The following TMEM132D variants were observed in gnomAD, a reference collection of about 807,000 sequenced individuals.
The protein encoded by TMEM132D is mature OL transmembrane protein.
A neutral mutation model predicts 62.3 loss-of-function variants in TMEM132D; 21 were observed. The observed-to-expected ratio is 0.34, with a 90% CI of 0.24 to 0.49. The LOEUF (loss-of-function observed/expected upper bound fraction) is 0.49. Ranked by LOEUF, TMEM132D falls within the 20% of genes least tolerant of loss-of-function variation. The pLI is 0.99. For synonymous variants in TMEM132D, 621 were observed against 575.6 expected (o/e 1.08, Z -1.13); for missense variants, 1,346 against 1,402.8 (o/e 0.96, Z 0.65).
intron 5 of TMEM132D, among the ~76,000 whole-genome samples, chr12:129,118,787 AAG>A (rs1487846221): frequency 1.3e-5 from 2 of 152,204 alleles, no homozygotes; most frequent in East Asian, 1.9e-4. Flanking sequence ...CCTTTGCTGT[AAG>A]AGTGTTGGAT....
intron 2 of TMEM132D, among the ~76,000 whole-genome samples, chr12:129,671,648 T>C (rs1330882538): frequency 6.6e-6 from 1 of 151,632 alleles, no homozygotes; most frequent in South Asian, 2.1e-4. Flanking sequence ...GAAGGGTACA[T>C]GATGAGAGGT....
chr12:129,750,858 AT>A (rs1869978933), intron 1 of TMEM132D, among the ~76,000 whole-genome samples: 1 of 152,300 alleles, frequency 6.6e-6, no homozygotes, highest in East Asian at 1.9e-4. Context: ...CAAAAAAAAA[AT>A]AAATGTTTAA....
intron 1 of TMEM132D, among the ~76,000 whole-genome samples, chr12:129,718,250 C>G (rs1033211668): frequency 6.6e-6 from 1 of 152,312 alleles, no homozygotes; most frequent in Admixed American, 6.5e-5. Flanking sequence ...GGCAAAGTGG[C>G]CAGGCTGGGT....
intron 5 of TMEM132D, among the ~76,000 whole-genome samples, chr12:129,204,672 TAGAGCACC>T (rs1319994168): frequency 6.6e-6 from 1 of 152,140 alleles, no homozygotes. Flanking sequence ...TCAGGAAATG[TAGAGCACC>T]CCTGTGAGAT....
chr12:129,623,708 C>CACATATATATACAT (rs1565926905), intron 2 of TMEM132D, among the ~76,000 whole-genome samples: 15 of 142,540 alleles, frequency 1.1e-4, no homozygotes, highest in African/African-American at 4.1e-4. Context: ...TATATACATA[C>CACATATATATACAT]ATATGCATAT....
chr12:129,792,382 A>G (rs1871424464), intron 1 of TMEM132D, among the ~76,000 whole-genome samples: 1 of 152,192 alleles, frequency 6.6e-6, no homozygotes, highest in Non-Finnish European at 1.5e-5. Flanking sequence ...ATGTGTATGT[A>G]CCCGGTTATT....
chr12:129,764,106 C>CA (rs1296221744), intron 1 of TMEM132D, among the ~76,000 whole-genome samples: 3 of 152,212 alleles, frequency 2.0e-5, no homozygotes, highest in Non-Finnish European at 2.9e-5. Context: ...TTGCTTTTCT[C>CA]AAAAGCTTGC....
At chr12:129,166,926 G>A (rs1877579400) in intron 5 of TMEM132D, among the ~76,000 whole-genome samples, 1 of 152,056 alleles carries the variant, frequency 6.6e-6, no homozygotes, top group Admixed American at 6.6e-5. Flanking sequence ...CACTTTGGGA[G>A]GCCGAGGAGG....
chr12:129,729,531 C>T (rs5027413), intron 1 of TMEM132D, among the ~76,000 whole-genome samples: 21,980 of 152,042 alleles, frequency 0.14, 1,732 homozygotes, highest in South Asian at 0.25. Context: ...ACTGGAATAC[C>T]TTTTTTTCTT....
At chr12:129,166,716 TAC>T (rs1328831290) in intron 5 of TMEM132D, among the ~76,000 whole-genome samples, 34 of 87,082 alleles carry the variant, frequency 3.9e-4, no homozygotes, top group Admixed American at 2.1e-3. Context: ...CACACACATA[TAC>T]ACACACACAC....
At chr12:129,256,234 T>C (rs951997954) in intron 4 of TMEM132D, among the ~76,000 whole-genome samples, 5 of 151,938 alleles carry the variant, frequency 3.3e-5, no homozygotes, top group Admixed American at 1.3e-4. Context: ...TCTGCAATCA[T>C]CATGTCCATT....
intron 1 of TMEM132D, among the ~76,000 whole-genome samples, chr12:129,749,243 T>G (rs1869919171): frequency 6.6e-6 from 1 of 152,156 alleles, no homozygotes; most frequent in Non-Finnish European, 1.5e-5. Flanking sequence ...TAGCCTCAGA[T>G]AGAACGTGGC....
At chr12:129,158,236 T>A (rs1003583896) in intron 5 of TMEM132D, among the ~76,000 whole-genome samples, 1 of 152,176 alleles carries the variant, frequency 6.6e-6, no homozygotes, top group South Asian at 2.1e-4. Flanking sequence ...TGAATACACA[T>A]GTACATTAGA....
At chr12:129,247,698 G>C (rs1880157564) in intron 4 of TMEM132D, among the ~76,000 whole-genome samples, 1 of 152,232 alleles carries the variant, frequency 6.6e-6, no homozygotes, top group Admixed American at 6.5e-5. Context: ...GGGTTCTGCT[G>C]TCCTTTCCCT....
chr12:129,508,044 G>T (rs1875390726), intron 3 of TMEM132D, among the ~76,000 whole-genome samples: 1 of 152,000 alleles, frequency 6.6e-6, no homozygotes, highest in Non-Finnish European at 1.5e-5. Context: ...GTGATAAGCT[G>T]ATTTATCCTA....
Position 129,081,832 on chromosome 12 carries a change from T to G in TMEM132D, c.1850A>C (p.Glu617Ala). The change falls in exon 7 of 9, where the codon GAG becomes GCG. Residue 617 changes from glutamate (E) to alanine (A), a missense_variant. By Grantham distance (107) the Glu-to-Ala change is moderately radical. Transcript: ENST00000422113. ...TTGCAGCTTGGCGATCCTGGGCTCC[T>G]CCACCTGCATGAAGTCATTTATCAG... is the stretch of plus-strand genomic sequence containing the variant. Reference protein sequence around the residue: ...TELINDFMQVEEPRIAKLQGG... With the variant: ...TELINDFMQVAEPRIAKLQGG... 6 of 1,613,354 alleles carry G rather than the reference T, an allele frequency of 3.7e-6. No homozygotes were observed. Among genetic ancestry groups the G allele is most frequent in the Non-Finnish European group, 5.1e-6 (6 of 1,179,888 alleles).
chr12:129,623,744 T>TAC (rs1179782613), intron 2 of TMEM132D, among the ~76,000 whole-genome samples: 2 of 123,466 alleles, frequency 1.6e-5, no homozygotes, highest in Non-Finnish European at 3.4e-5. Context: ...TACATATATA[T>TAC]ACACATATAT....
At chr12:129,140,774 G>A (rs908498999) in intron 5 of TMEM132D, among the ~76,000 whole-genome samples, 1 of 151,616 alleles carries the variant, frequency 6.6e-6, no homozygotes, top group East Asian at 1.9e-4. Flanking sequence ...TGGTGGTGGA[G>A]GTTGCTGTGA....
At chr12:129,164,233 C>T (rs1593281888) in intron 5 of TMEM132D, among the ~76,000 whole-genome samples, 4 of 152,338 alleles carry the variant, frequency 2.6e-5, no homozygotes, top group Non-Finnish European at 4.4e-5. Context: ...CAACTCATGT[C>T]AAAAGTGGAA....
Sources: gnomAD v4.1 joint callset for allele counts (sites outside exome capture counted in the v4.1 genomes callset) on GRCh38, gnomAD v4.1.1 for gene constraint, MANE v1.5 for transcripts, NCBI Gene and HGNC (gene_info 2026-07-23, HGNC 2026-07-21) for gene names.